ZFHX3: variants seen among roughly 807,000 people sequenced by gnomAD.
ZFHX3 encodes the protein zinc finger homeobox protein 3.
Under a neutral mutation model 279.1 loss-of-function variants are expected in ZFHX3, and 42 were observed. That is an observed-to-expected ratio of 0.15 (90% CI 0.12 to 0.19). The LOEUF is 0.19. Among genes scored for constraint, ZFHX3 ranks in the 10% least tolerant of loss-of-function variants. ZFHX3 has a pLI of 1.00. For missense variants in ZFHX3, 4,981 were observed against 4,754.0 expected (o/e 1.05, Z -1.40); for synonymous variants, 2,293 against 1,957.8 (o/e 1.17, Z -4.52).
chr16:72,838,521 C>T (rs377509770), intron 4 of ZFHX3, among the ~76,000 whole-genome samples: 7 of 152,198 alleles, frequency 4.6e-5, no homozygotes, highest in African/African-American at 1.4e-4. Flanking sequence ...AAGGCCTCCC[C>T]GAGAAAATTT....
At chr16:72,927,838 T>C (rs1454930219) in intron 3 of ZFHX3, among the ~76,000 whole-genome samples, 1 of 151,894 alleles carries the variant, frequency 6.6e-6, no homozygotes, top group Non-Finnish European at 1.5e-5. Flanking sequence ...AACTGAGGCA[T>C]GTCGAAATCA....
intron 1 of ZFHX3, among the ~76,000 whole-genome samples, chr16:73,855,218 T>C (rs1227233859): frequency 8.4e-6 from 1 of 119,748 alleles, no homozygotes; most frequent in Non-Finnish European, 1.6e-5. Flanking sequence ...GCGTTAGCCT[T>C]TTTTTTTTTT....
chr16:73,086,627 G>T (rs547217195), intron 8 of ZFHX3, among the ~76,000 whole-genome samples: 3 of 152,276 alleles, frequency 2.0e-5, no homozygotes, highest in East Asian at 3.9e-4. Context: ...CTAGGGCCAG[G>T]CATGGTGGCT....
intron 2 of ZFHX3, among the ~76,000 whole-genome samples, chr16:73,512,061 G>T (rs1429448368): frequency 1.3e-5 from 2 of 152,150 alleles, no homozygotes; most frequent in Non-Finnish European, 1.5e-5. Context: ...AGAAATAAGT[G>T]TCTGCCCTGG....
chr16:73,205,349 T>C (rs2011759645), intron 5 of ZFHX3, among the ~76,000 whole-genome samples: 1 of 152,204 alleles, frequency 6.6e-6, no homozygotes, highest in Non-Finnish European at 1.5e-5. Context: ...CCTGGGGTCA[T>C]CATAAATTTC....
chr16:73,128,795 C>A (rs1482549759), intron 7 of ZFHX3, among the ~76,000 whole-genome samples: 1 of 152,164 alleles, frequency 6.6e-6, no homozygotes, highest in East Asian at 1.9e-4. Context: ...ATCAATTCCC[C>A]ACTCATTTGT....
intron 4 of ZFHX3, among the ~76,000 whole-genome samples, chr16:73,272,805 G>C (rs1396016444): frequency 6.6e-6 from 1 of 152,140 alleles, no homozygotes; most frequent in Admixed American, 6.5e-5. Context: ...GGAGCACAGT[G>C]GCGATGACAT....
chr16:72,915,646 C>A (rs1242529175), intron 3 of ZFHX3, among the ~76,000 whole-genome samples: 2 of 151,988 alleles, frequency 1.3e-5, no homozygotes, highest in Non-Finnish European at 2.9e-5. Context: ...GCCTGTGGTT[C>A]CAGCTACTCC....
intron 3 of ZFHX3, among the ~76,000 whole-genome samples, chr16:73,323,125 T>C (rs527294424): frequency 6.4e-4 from 97 of 152,250 alleles, no homozygotes; most frequent in African/African-American, 2.1e-3. Context: ...AGGAGAGCGA[T>C]CATCATGGCT....
At chr16:73,815,543 C>T (rs1960543698) in intron 1 of ZFHX3, 1 of 151,914 alleles carries the variant, frequency 6.6e-6, no homozygotes, top group Admixed American at 6.6e-5. Context: ...CTACTGTTTA[C>T]CTATTTTCTG....
chr16:72,882,680 A>G (rs933579863), intron 4 of ZFHX3, among the ~76,000 whole-genome samples: 1 of 152,266 alleles, frequency 6.6e-6, no homozygotes, highest in Admixed American at 6.5e-5. Context: ...ACAGCACTGC[A>G]TATGTCCACC....
chr16:73,631,927 T>TCTCTCACACACACA, intron 2 of ZFHX3, among the ~76,000 whole-genome samples: 1 of 136,816 alleles, frequency 7.3e-6, no homozygotes, highest in African/African-American at 2.9e-5. Context: ...TCTCTCTCTC[T>TCTCTCACACACACA]CACACACACA....
intron 7 of ZFHX3, among the ~76,000 whole-genome samples, chr16:72,802,764 C>T (rs1048244816): frequency 2.6e-5 from 4 of 152,192 alleles, no homozygotes; most frequent in Admixed American, 2.0e-4. Context: ...CTAACGTTCC[C>T]TTTGCCCATT....
At chr16:73,792,863 C>T (rs959373346) in intron 1 of ZFHX3, among the ~76,000 whole-genome samples, 17 of 147,626 alleles carry the variant, frequency 1.2e-4, no homozygotes, top group Non-Finnish European at 2.1e-4. Context: ...TGCACCCCCC[C>T]CCTCCCCTCT....
intron 1 of ZFHX3, among the ~76,000 whole-genome samples, chr16:72,967,545 T>G (rs1961901742): frequency 6.6e-6 from 1 of 151,614 alleles, no homozygotes; most frequent in South Asian, 2.1e-4. Context: ...AGTTAGAAAA[T>G]CACCATTTGA....
chr16:73,414,279 C>G (rs971806802), intron 3 of ZFHX3, among the ~76,000 whole-genome samples: 1 of 152,212 alleles, frequency 6.6e-6, no homozygotes, highest in East Asian at 1.9e-4. Context: ...GAGATAATTT[C>G]TACCTTTTAA....
At chr16:73,671,586 C>G (rs1026385681) in intron 2 of ZFHX3, among the ~76,000 whole-genome samples, 2 of 152,186 alleles carry the variant, frequency 1.3e-5, no homozygotes, top group African/African-American at 4.8e-5. Flanking sequence ...TGGCAGGGTG[C>G]CTGCAGTGAA....
At chr16:73,693,504 G>A (rs547020872) in intron 1 of ZFHX3, among the ~76,000 whole-genome samples, 117 of 151,964 alleles carry the variant, frequency 7.7e-4, no homozygotes, top group Non-Finnish European at 1.5e-3. Context: ...CAGCACCGCG[G>A]CAGGCAAGAA....
At chr16:73,264,907 A>C (rs1444703173) in intron 4 of ZFHX3, among the ~76,000 whole-genome samples, 1 of 151,730 alleles carries the variant, frequency 6.6e-6, no homozygotes, top group East Asian at 1.9e-4. Flanking sequence ...AATGCCATTA[A>C]TTCATTCCTT....
Sources: gnomAD v4.1 joint callset for allele counts (sites outside exome capture counted in the v4.1 genomes callset) on GRCh38, gnomAD v4.1.1 for gene constraint, MANE v1.5 for transcripts, NCBI Gene and HGNC (gene_info 2026-07-23, HGNC 2026-07-21) for gene names.